ZNF506: variants seen among roughly 807,000 people sequenced by gnomAD.
ZNF506 encodes zinc finger protein 506.
Under a neutral mutation model 11.6 loss-of-function variants are expected in ZNF506, and 10 were observed. The ratio of observed to expected loss-of-function variants is 0.86; its 90% confidence interval spans 0.53 to 1.46. The LOEUF (loss-of-function observed/expected upper bound fraction) is 1.46. Among genes scored for constraint, ZNF506 ranks in the 40% most tolerant of loss-of-function variants. ZNF506 has a pLI of 0.00. For synonymous variants in ZNF506, 156 were observed against 173.3 expected (o/e 0.90, Z 0.78); for missense variants, 425 against 521.2 (o/e 0.82, Z 1.80).
Position 19,807,025 on chromosome 19 carries a change from T to A in ZNF506, c.47A>T (p.Glu16Val). The A allele has an allele frequency of 6.2e-7, 1 of 1,614,004 alleles. No homozygotes were observed. Among genetic ancestry groups the A allele is most frequent in the South Asian group, 1.1e-5 (1 of 91,074 alleles). The change falls in exon 2 of 4, where the codon GAG becomes GTG. Residue 16 changes from glutamate to valine, a missense_variant. By Grantham distance (121) the Glu-to-Val change is moderately radical. Around this residue, in one of 3 missense-constraint regions of ZNF506, gnomAD observed 226 missense variants for 279.1 expected, o/e 0.81. Transcript: ENST00000540806. ...TGCAGCGTCCAGGCAATGCCACTCCTCCAGAGAGAATTCTATGGCCACATC... is the reference window on the plus strand; with the variant it reads ...TGCAGCGTCCAGGCAATGCCACTCCACCAGAGAGAATTCTATGGCCACATC... ...FRDVAIEFSL[E>V]EWHCLDAAQR...
intron 3 of ZNF506, chr19:19,795,901 G>A: frequency 2.1e-6 from 1 of 467,798 alleles, no homozygotes; most frequent in East Asian, 5.0e-5. Flanking sequence ...AATGCAAAGA[G>A]CCACATAGAA....
rs2145167715 is a variant in ZNF506 at position 19,794,401 on chromosome 19, A to C, written c.*151T>G. 5.5e-6 allele frequency: 4 copies of C among 727,386 alleles called. No individual in the cohort carries two copies. The highest frequency in any genetic ancestry group is 1.8e-5 in the African/African-American group (1 of 55,790). The allele number at this position is 727,386 out of a possible 1,614,324, so 45.1% of individuals were successfully genotyped here. ...TGTCCAGTATAAATTATGTGTAATA[A>C]GGGTTGAGAACTTCCTTAAAAAGCT... On this transcript the variant is annotated 3_prime_UTR_variant, in exon 4 of 4. Coordinates refer to ENST00000540806, the MANE Select transcript of ZNF506 (RefSeq NM_001099269.3).
chr19:19,820,327 A>T (rs2062959245), intron 1 of ZNF506: 1 of 152,218 alleles, frequency 6.6e-6, no homozygotes, highest in South Asian at 2.1e-4. Flanking sequence ...ATTCAGGCTT[A>T]AGCAACTATA....
chr19:19,795,920 A>G, intron 3 of ZNF506: 1 of 427,150 alleles, frequency 2.3e-6, no homozygotes, highest in Non-Finnish European at 4.3e-6. Context: ...AAAAATAGAA[A>G]AAAAGAAAAG....
At chr19:19,807,503 T>C (rs2062844641) in intron 1 of ZNF506, among the ~76,000 whole-genome samples, 1 of 152,064 alleles carries the variant, frequency 6.6e-6, no homozygotes, top group Non-Finnish European at 1.5e-5. Flanking sequence ...ATAAAGTCTT[T>C]CTTATTTATT....
chr19:19,814,278 C>T (rs990693480), intron 1 of ZNF506, among the ~76,000 whole-genome samples: 1 of 151,820 alleles, frequency 6.6e-6, no homozygotes, highest in Non-Finnish European at 1.5e-5. Flanking sequence ...GTTGGTGGCA[C>T]GTGCCTGTAA....
chr19:19,808,080 G>C (rs577604080), intron 1 of ZNF506, among the ~76,000 whole-genome samples: 1 of 139,586 alleles, frequency 7.2e-6, no homozygotes, highest in Non-Finnish European at 1.5e-5. Flanking sequence ...CTCTCAGGGA[G>C]CTACTTAACC....
At position 19,812,016 on chromosome 19, in the gene ZNF506, T is replaced by A. The variant is rs543069237; in HGVS notation, c.4-4948A>T. 9.5e-3 allele frequency among the ~76,000 whole-genome samples: 1,437 copies of A among 152,048 alleles called. 11 individuals are homozygous for A. The highest frequency in any genetic ancestry group is 0.03 in the South Asian group (144 of 4,820). On this transcript the variant is annotated intron_variant, in intron 1 of 3. Transcript: ENST00000540806. ...TGACTGCTTCATGTTTTTTTTTTTT[T>A]AAATGGCTATATGAAATGGAAGCTA...
intron 3 of ZNF506, among the ~76,000 whole-genome samples, chr19:19,800,386 A>T (rs1297702190): frequency 1.2e-4 from 11 of 90,250 alleles, no homozygotes; most frequent in Non-Finnish European, 1.8e-4. Flanking sequence ...AATATAACTA[A>T]ACAGAATATA....
At chr19:19,799,108 AAAG>A (rs1188332587) in intron 3 of ZNF506, 6 of 196,398 alleles carry the variant, frequency 3.1e-5, no homozygotes, top group African/African-American at 6.9e-5. Context: ...AAACTTCAAA[AAAG>A]AAGGACATTA....
At chr19:19,814,480 G>T (rs11665735) in intron 1 of ZNF506, among the ~76,000 whole-genome samples, 2,910 of 151,366 alleles carry the variant, frequency 0.019, 56 homozygotes, top group South Asian at 0.066. Flanking sequence ...TTATAAGTAA[G>T]AGCTAAATAA....
At chr19:19,815,911 G>A (rs1393457118) in intron 1 of ZNF506, among the ~76,000 whole-genome samples, 1 of 152,102 alleles carries the variant, frequency 6.6e-6, no homozygotes, top group Non-Finnish European at 1.5e-5. Flanking sequence ...AAGCCAAATG[G>A]AAGAAATGCA....
At chr19:19,820,466 C>A (rs1009705617) in intron 1 of ZNF506, 1 of 152,188 alleles carries the variant, frequency 6.6e-6, no homozygotes, top group African/African-American at 2.4e-5. Context: ...GAGGCTGAGG[C>A]GGGTGGATCA....
chr19:19,800,959 G>C (rs1308603295), intron 3 of ZNF506, among the ~76,000 whole-genome samples: 1 of 150,014 alleles, frequency 6.7e-6, no homozygotes, highest in Non-Finnish European at 1.5e-5. Flanking sequence ...TCAGGAGTTT[G>C]AGACCAGCCT....
chr19:19,816,957 C>T (rs1217714320), intron 1 of ZNF506, among the ~76,000 whole-genome samples: 5 of 151,646 alleles, frequency 3.3e-5, no homozygotes, highest in Non-Finnish European at 7.4e-5. Context: ...AGCACCACGC[C>T]TGCCTAATTT....
intron 1 of ZNF506, among the ~76,000 whole-genome samples, chr19:19,821,341 G>A: frequency 6.6e-6 from 1 of 152,336 alleles, no homozygotes; most frequent in East Asian, 1.9e-4. Flanking sequence ...AGACCTGTGG[G>A]TGCAGAGCTG....
rs746211095 is a variant in ZNF506, at chr19:19,794,657, T to C, written c.1230A>G (p.Ser410=). 1 of 1,614,138 alleles carries C rather than the reference T, an allele frequency of 6.2e-7. No individual in the cohort carries two copies. Among genetic ancestry groups the C allele is most frequent in the Non-Finnish European group, 8.5e-7 (1 of 1,180,004 alleles). The change falls in exon 4 of 4, where the codon TCA becomes TCG. Residue 410 remains serine (S), a synonymous_variant. Coordinates refer to ENST00000540806, the MANE Select transcript of ZNF506 (RefSeq NM_001099269.3). Reference sequence around the variant, plus strand: ...GAATTTTCTTATGTTTATTAAGGGCTGAGGACCAGTTAAAAGCTTTGCCAC... The same window carrying C: ...GAATTTTCTTATGTTTATTAAGGGCCGAGGACCAGTTAAAAGCTTTGCCAC... ...EECGKAFNWS[S]ALNKHKKIHI...
At chr19:19,817,657 T>C (rs2062943943) in intron 1 of ZNF506, among the ~76,000 whole-genome samples, 7 of 152,128 alleles carry the variant, frequency 4.6e-5, no homozygotes. Context: ...AAGAACTAAC[T>C]GGGCCTTTAA....
intron 2 of ZNF506, 33 bp from the exon 3 acceptor site, chr19:19,806,159 G>T: frequency 6.7e-7 from 1 of 1,491,418 alleles, no homozygotes; most frequent in Non-Finnish European, 9.2e-7. Flanking sequence ...TATGAATCTT[G>T]CTCATATTCT....
Sources: gnomAD v4.1 joint callset for allele counts (sites outside exome capture counted in the v4.1 genomes callset) on GRCh38, gnomAD v4.1.1 for gene constraint, gnomAD v4.1.1 regional missense constraint, MANE v1.5 for transcripts, NCBI Gene and HGNC (gene_info 2026-07-23, HGNC 2026-07-21) for gene names.